The following CCDC141 variants were observed in gnomAD, a reference collection of about 807,000 sequenced individuals.
CCDC141 encodes the protein coiled-coil domain-containing protein 141.
In CCDC141, 168 loss-of-function variants were observed where a neutral mutation model predicts 181.0. That is an observed-to-expected ratio of 0.93 (90% confidence interval 0.82 to 1.05). The LOEUF is 1.05. Ranked by LOEUF, CCDC141 falls within the 50% of genes least tolerant of loss-of-function variation. The pLI is 0.00. For missense variants in CCDC141, 1,902 were observed against 1,788.5 expected (o/e 1.06, Z -1.14); for synonymous variants, 666 against 642.3 (o/e 1.04, Z -0.56).
chr2:178,970,992 G>A (rs1273556219), intron 4 of CCDC141, among the ~76,000 whole-genome samples: 3 of 152,208 alleles, frequency 2.0e-5, no homozygotes, highest in East Asian at 3.9e-4. Context: ...GGCAGATCAC[G>A]AAGTCAGGAG....
chr2:178,925,165 A>T (rs1007112849), intron 6 of CCDC141, among the ~76,000 whole-genome samples: 4 of 152,242 alleles, frequency 2.6e-5, no homozygotes, highest in African/African-American at 9.6e-5. Flanking sequence ...AATAGAAGTG[A>T]CAGATATCAC....
intron 7 of CCDC141, among the ~76,000 whole-genome samples, chr2:178,914,629 G>C (rs967959939): frequency 6.6e-6 from 1 of 152,052 alleles, no homozygotes; most frequent in Non-Finnish European, 1.5e-5. Flanking sequence ...TTGTCAATGT[G>C]GGCAATTAAG....
chr2:179,044,594 C>T (rs1440897896), intron 2 of CCDC141, among the ~76,000 whole-genome samples: 1 of 152,108 alleles, frequency 6.6e-6, no homozygotes, highest in Admixed American at 6.5e-5. Context: ...GTGAGCTCAC[C>T]CACCACTACC....
intron 6 of CCDC141, among the ~76,000 whole-genome samples, chr2:178,930,202 T>G (rs541964048): frequency 6.6e-6 from 1 of 152,132 alleles, no homozygotes; most frequent in East Asian, 1.9e-4. Context: ...GAAAATGATT[T>G]CATTCATGGT....
At chr2:178,906,782 A>C (rs1687991284) in intron 7 of CCDC141, among the ~76,000 whole-genome samples, 1 of 152,158 alleles carries the variant, frequency 6.6e-6, no homozygotes, top group African/African-American at 2.4e-5. Flanking sequence ...CTAAGACCTG[A>C]AGGAGACCAG....
At chr2:178,880,665 C>T (rs1435021276) in intron 11 of CCDC141, among the ~76,000 whole-genome samples, 1 of 152,188 alleles carries the variant, frequency 6.6e-6, no homozygotes, top group African/African-American at 2.4e-5. Flanking sequence ...GCACACCTCA[C>T]CCCTCAGATC....
chr2:178,977,854 A>G (rs563844663), intron 3 of CCDC141, among the ~76,000 whole-genome samples: 7 of 152,324 alleles, frequency 4.6e-5, no homozygotes, highest in African/African-American at 1.4e-4. Flanking sequence ...TTGAACTCTC[A>G]TATTTTGAAA....
intron 2 of CCDC141, among the ~76,000 whole-genome samples, chr2:178,980,772 T>C (rs534409907): frequency 6.6e-6 from 1 of 152,362 alleles, no homozygotes; most frequent in South Asian, 2.1e-4. Context: ...GCTCAATTAA[T>C]TTAACATGTG....
intron 6 of CCDC141, among the ~76,000 whole-genome samples, chr2:178,921,795 G>A (rs773512512): frequency 5.9e-5 from 9 of 152,118 alleles, no homozygotes; most frequent in Non-Finnish European, 8.8e-5. Flanking sequence ...AAGTCTTTCT[G>A]TTTCGTTCTT....
intron 4 of CCDC141, among the ~76,000 whole-genome samples, chr2:178,966,271 G>A (rs1002836581): frequency 5.9e-5 from 9 of 152,214 alleles, no homozygotes; most frequent in Admixed American, 5.2e-4. Flanking sequence ...GCTCTGATAA[G>A]GGTCAGACTG....
At chr2:178,854,884 T>C (rs981176610) in intron 19 of CCDC141, among the ~76,000 whole-genome samples, 11 of 152,228 alleles carry the variant, frequency 7.2e-5, no homozygotes, top group Non-Finnish European at 2.9e-5. Flanking sequence ...TACTCTACCA[T>C]TTATCTTCTT....
rs1690841522 is a variant in CCDC141 at position 178,970,590 on chromosome 2, C to G, written c.526+4467G>C. On this transcript the variant is annotated intron_variant, in intron 4 of 23. Transcript: ENST00000443758. ...ATATGCAGAAAACAGAAACTGGACC[C>G]CGTCCTTACACCTTATATGAAAATC... Among the ~76,000 whole-genome samples the G allele has an allele frequency of 2.0e-5, 3 of 152,306 alleles. No individual in the cohort carries two copies. The South Asian group carries it at 6.2e-4, about 32-fold the overall frequency.
intron 20 of CCDC141, among the ~76,000 whole-genome samples, chr2:178,853,169 T>C (rs1423038414): frequency 2.0e-5 from 3 of 152,190 alleles, no homozygotes; most frequent in Non-Finnish European, 4.4e-5. Context: ...ACCCTAGAGA[T>C]GAACAACAGG....
intron 2 of CCDC141, among the ~76,000 whole-genome samples, chr2:178,997,787 C>T (rs1346475723): frequency 6.6e-6 from 1 of 152,140 alleles, no homozygotes; most frequent in African/African-American, 2.4e-5. Context: ...CTATACAATT[C>T]TTTTAGCAAT....
Position 178,837,128 on chromosome 2 carries a change from G to A in CCDC141, c.4091C>T (p.Ala1364Val). The A allele has an allele frequency of 6.2e-7, 1 of 1,613,996 alleles. No individual in the cohort carries two copies. Among genetic ancestry groups the A allele is most frequent in the Non-Finnish European group, 8.5e-7 (1 of 1,179,968 alleles). ...GAGGCCCGAGAATGCATCAGAGGAA[G>A]CATGCAGCCTATCTTGGGTTTTAGT... ...NFTKTQDRLH[A>V]SSDAFSGLRF... The change falls in exon 23 of 24, where the codon GCT becomes GTT. Residue 1364 changes from alanine to valine, a missense_variant. Coordinates refer to ENST00000443758, the MANE Select transcript of CCDC141 (RefSeq NM_173648.4).
chr2:178,913,534 T>C (rs532428580), intron 7 of CCDC141, among the ~76,000 whole-genome samples: 9 of 152,176 alleles, frequency 5.9e-5, no homozygotes, highest in Admixed American at 1.3e-4. Context: ...TATATATAAA[T>C]GAAAAAAGTA....
At chr2:178,987,515 A>G (rs1231500769) in intron 2 of CCDC141, among the ~76,000 whole-genome samples, 1 of 152,086 alleles carries the variant, frequency 6.6e-6, no homozygotes, top group Non-Finnish European at 1.5e-5. Flanking sequence ...AGAAACTACC[A>G]TCAGAGTGAA....
At chr2:178,847,950 C>G (rs1375338464) in intron 21 of CCDC141, among the ~76,000 whole-genome samples, 2 of 152,132 alleles carry the variant, frequency 1.3e-5, no homozygotes, top group Non-Finnish European at 2.9e-5. Flanking sequence ...ACCAAATCTG[C>G]CAGCATCTTG....
At chr2:179,015,104 AATATATATATAATCATATATATATATC>A (rs2042416435) in intron 2 of CCDC141, among the ~76,000 whole-genome samples, 14 of 16,120 alleles carry the variant, frequency 8.7e-4, no homozygotes, top group Non-Finnish European at 2.6e-3. Context: ...ATATATATAT[AATATATATATAATCATATATATATATC>A]ATATCATATA....
Sources: allele counts gnomAD v4.1 joint callset (sites outside exome capture counted in the v4.1 genomes callset), GRCh38; gene constraint gnomAD v4.1.1; transcripts MANE v1.5; gene names NCBI Gene and HGNC (gene_info 2026-07-23, HGNC 2026-07-21).